SEMA5A: variants seen among roughly 807,000 people sequenced by gnomAD.
SEMA5A encodes semaphorin-5A.
Under a neutral mutation model 135.5 loss-of-function variants are expected in SEMA5A, and 55 were observed. The ratio of observed to expected loss-of-function variants is 0.41; its 90% CI spans 0.33 to 0.51. SEMA5A has a LOEUF of 0.51. Among genes scored for constraint, SEMA5A ranks in the 20% least tolerant of loss-of-function variants. The pLI is 0.37. For missense variants in SEMA5A, 1,290 were observed against 1,419.9 expected (o/e 0.91, Z 1.47); for synonymous variants, 580 against 546.5 (o/e 1.06, Z -0.85).
In SEMA5A at chr5:9,380,022, G is replaced by A. The variant is rs1016008138; in HGVS notation, c.-76C>T. 1.3e-5 allele frequency: 19 copies of A among 1,503,188 alleles called. 1 individual carries two copies. In the African/African-American group the frequency reaches 2.4e-4, roughly 19 times the overall value. The allele number at this position is 1,503,188 out of a possible 1,614,324, so 93.1% of individuals were successfully genotyped here. ...CTTCTTCTCCTCATGTGTGGAAAGT[G>A]CCTAAAACACACAAAAGAGAAGAAT... On this transcript the variant is annotated splice_region_variant and 5_prime_UTR_variant, in exon 3 of 23. Transcript: ENST00000382496.
At chr5:9,284,580 T>A (rs1750700660) in intron 5 of SEMA5A, among the ~76,000 whole-genome samples, 1 of 143,950 alleles carries the variant, frequency 6.9e-6, no homozygotes, top group South Asian at 2.1e-4. Flanking sequence ...ATTTCATCAA[T>A]TTTTTTTTTA....
At chr5:9,484,426 G>A (rs1340308435) in intron 1 of SEMA5A, among the ~76,000 whole-genome samples, 3 of 152,110 alleles carry the variant, frequency 2.0e-5, no homozygotes, top group African/African-American at 7.2e-5. Context: ...GCAAATCGCT[G>A]GCTGGCTGTC....
At chr5:9,455,663 T>C (rs1413016273) in intron 1 of SEMA5A, among the ~76,000 whole-genome samples, 4 of 152,342 alleles carry the variant, frequency 2.6e-5, no homozygotes, top group Admixed American at 2.6e-4. Flanking sequence ...AGCAATCTTA[T>C]AGTAAGAAAT....
At chr5:9,375,983 T>C (rs1755346862) in intron 3 of SEMA5A, among the ~76,000 whole-genome samples, 1 of 152,118 alleles carries the variant, frequency 6.6e-6, no homozygotes, top group East Asian at 1.9e-4. Context: ...AATGTGGGGA[T>C]TGCAGTCAGG....
At chr5:9,144,490 A>G (rs1742225463) in intron 12 of SEMA5A, among the ~76,000 whole-genome samples, 1 of 152,194 alleles carries the variant, frequency 6.6e-6, no homozygotes, top group South Asian at 2.1e-4. Context: ...CCTTCTGTGT[A>G]GTACAGCCCA....
Position 9,062,991 on chromosome 5 carries a change from C to T in SEMA5A, c.2414G>A (p.Arg805Gln), listed in dbSNP as rs143717547. ...GTTGTTGCAAACACGCTTCCGGTTC[C>T]GAATGCCCCTGCTGCAGTCACGGCT... ...QCSRDCSRGI[R>Q]NRKRVCNNPE... is the part of the protein sequence containing the mutation. Residue 805 changes from arginine to glutamine, a missense_variant, in exon 18 of 23, where the codon CGG (arginine) becomes CAG (glutamine). This residue lies in a region of SEMA5A where 1,029 missense variants were observed against 1,086.6 expected (regional missense o/e 0.95). Transcript: ENST00000382496. 6.3e-5 allele frequency: 102 copies of T among 1,614,222 alleles called. 2 individuals carry two copies. The South Asian group carries it at 7.9e-4, about 13-fold the overall frequency.
intron 1 of SEMA5A, among the ~76,000 whole-genome samples, chr5:9,482,445 C>G (rs1342878129): frequency 4.6e-5 from 7 of 152,052 alleles, no homozygotes. Flanking sequence ...GTGAGCATAC[C>G]TAAAGGCCAA....
rs1579357803 is a variant in SEMA5A at position 9,331,264 on chromosome 5, TA to T, written c.224+6448del. Among the ~76,000 whole-genome samples the T allele has an allele frequency of 3.3e-5, 5 of 152,342 alleles. No homozygotes were observed. The East Asian group carries it at 9.6e-4, about 29-fold the overall frequency. ...AAAATAATGATATTGGCCAGTTGTT[TA>T]AAATAAATTTTATGTGAATTTAAAA... On this transcript the variant is annotated intron_variant, in intron 4 of 22. Coordinates refer to ENST00000382496, the MANE Select transcript of SEMA5A (RefSeq NM_003966.3).
In SEMA5A at chr5:9,190,591, T is replaced by C. The variant is rs1199815670; in HGVS notation, c.1069-120A>G. 3 of 805,436 alleles carry C rather than the reference T, an allele frequency of 3.7e-6. No individual in the cohort carries two copies. In the East Asian group the frequency reaches 7.9e-5, roughly 21 times the overall value. The allele number at this position is 805,436 out of a possible 1,614,324, so 49.9% of individuals were successfully genotyped here. ...AGTAAGCCACAATCCATCATTGAAG[T>C]ATGCAAACATGTCTGCTTCTCCATC... On this transcript the variant is annotated intron_variant, in intron 10 of 22. Coordinates refer to ENST00000382496, the MANE Select transcript of SEMA5A (RefSeq NM_003966.3).
intron 16 of SEMA5A, among the ~76,000 whole-genome samples, chr5:9,103,844 A>C (rs1373348357): frequency 6.6e-6 from 1 of 152,196 alleles, no homozygotes; most frequent in Non-Finnish European, 1.5e-5. Context: ...CAAAATGTAG[A>C]GTTAAGATTT....
intron 8 of SEMA5A, among the ~76,000 whole-genome samples, chr5:9,216,036 G>T (rs1179633656): frequency 6.6e-6 from 1 of 151,994 alleles, no homozygotes; most frequent in Non-Finnish European, 1.5e-5. Flanking sequence ...TCTAGCTTTG[G>T]GGTTGATTTG....
At chr5:9,380,485 T>C (rs933300114) in intron 2 of SEMA5A, among the ~76,000 whole-genome samples, 1 of 152,212 alleles carries the variant, frequency 6.6e-6, no homozygotes, top group Non-Finnish European at 1.5e-5. Context: ...ACAGCCATTG[T>C]CTTTTACTAA....
chr5:9,249,595 G>A (rs1346850317), intron 5 of SEMA5A, among the ~76,000 whole-genome samples: 1 of 152,132 alleles, frequency 6.6e-6, no homozygotes, highest in Non-Finnish European at 1.5e-5. Context: ...ATTTAGAAGA[G>A]TAGAGGGAAA....
At chr5:9,381,855 A>C (rs1755623947) in intron 2 of SEMA5A, among the ~76,000 whole-genome samples, 1 of 152,026 alleles carries the variant, frequency 6.6e-6, no homozygotes, top group Non-Finnish European at 1.5e-5. Context: ...AAGATAGATA[A>C]TGTAAGTGAC....
chr5:9,477,698 G>T (rs1008079173), intron 1 of SEMA5A, among the ~76,000 whole-genome samples: 3 of 152,212 alleles, frequency 2.0e-5, no homozygotes, highest in Non-Finnish European at 4.4e-5. Context: ...TACTCAAGAT[G>T]TGACCTGGGT....
rs1735957356 is a variant in SEMA5A, at chr5:9,041,374, A to G, written c.*1523T>C. 6.6e-6 allele frequency: 1 copy of G among 152,214 alleles called. No individual in the cohort carries two copies. Among genetic ancestry groups the G allele is most frequent in the Non-Finnish European group, 1.5e-5 (1 of 68,032 alleles). 9.4% of individuals were successfully genotyped at this position (152,214 alleles called of 1,614,324 possible). On this transcript the variant is annotated 3_prime_UTR_variant, in exon 23 of 23. Transcript: ENST00000382496. ...CGTTTCCGTGTCTACCCAGGACTTT[A>G]TCACATGCTCAGAGGCATCAGATGA...
At chr5:9,227,386 C>T (rs1399817924) in intron 6 of SEMA5A, among the ~76,000 whole-genome samples, 2 of 152,140 alleles carry the variant, frequency 1.3e-5, no homozygotes, top group East Asian at 1.9e-4. Flanking sequence ...TATTAGATGT[C>T]GCTCGGGAAG....
At chr5:9,117,430 G>A (rs1289048270) in intron 15 of SEMA5A, among the ~76,000 whole-genome samples, 1 of 152,144 alleles carries the variant, frequency 6.6e-6, no homozygotes, top group Non-Finnish European at 1.5e-5. Flanking sequence ...ATTTCACATT[G>A]TTTCAGATTT....
chr5:9,162,130 T>C (rs1251400335), intron 11 of SEMA5A, among the ~76,000 whole-genome samples: 19 of 152,216 alleles, frequency 1.2e-4, no homozygotes, highest in Admixed American at 1.2e-3. Context: ...TGTAGAGTTT[T>C]CTATCTACCA....
Sources: gnomAD v4.1 joint callset for allele counts (sites outside exome capture counted in the v4.1 genomes callset) on GRCh38, gnomAD v4.1.1 for gene constraint, gnomAD v4.1.1 regional missense constraint, MANE v1.5 for transcripts, NCBI Gene and HGNC (gene_info 2026-07-23, HGNC 2026-07-21) for gene names.